CD82: variants seen among roughly 807,000 people sequenced by gnomAD.
CD82 encodes the protein CD82 antigen.
CD82 carries 36 observed loss-of-function variants against 37.4 expected under a neutral mutation model. The observed-to-expected ratio is 0.96, with a 90% confidence interval of 0.74 to 1.27. The LOEUF is 1.27. CD82 is among the 50% of genes most tolerant of loss of function. The pLI, the probability that CD82 is intolerant of heterozygous loss-of-function variation, is 0.00. For synonymous variants in CD82, 158 were observed against 137.4 expected, an observed-to-expected ratio of 1.15 and a Z score of -1.05; for missense variants, 340 against 347.0, an observed-to-expected ratio of 0.98 and a Z score of 0.16.
intron 2 of CD82, among the ~76,000 whole-genome samples, chr11:44,588,265 C>T (rs1853089457): frequency 6.6e-6 from 1 of 151,422 alleles, no homozygotes; most frequent in Non-Finnish European, 1.5e-5. Flanking sequence ...ACTCTGTCAC[C>T]CAGGCTGGAG....
Position 44,600,171 on chromosome 11 carries a change from T to G in CD82, c.77T>G (p.Val26Gly). The G allele has an allele frequency of 6.2e-7, 1 of 1,614,098 alleles. No homozygotes were observed. The highest frequency in any genetic ancestry group is 1.1e-5 in the South Asian group (1 of 91,078). The part of the protein sequence containing the change: ...FNLIFFILGA[V>G]ILGFGVWILA... Reference sequence around the variant, plus strand: ...TTCTCCTTCCAGATCCTGGGCGCAGTGATCCTGGGCTTCGGGGTGTGGATC... The same window carrying G: ...TTCTCCTTCCAGATCCTGGGCGCAGGGATCCTGGGCTTCGGGGTGTGGATC... Residue 26 changes from valine (V) to glycine (G), a missense_variant, in exon 4 of 10, where the codon GTG becomes GGG. Coordinates refer to ENST00000227155, the MANE Select transcript of CD82 (RefSeq NM_002231.4).
At chr11:44,588,514 A>T (rs76786027) in intron 2 of CD82, among the ~76,000 whole-genome samples, 18,197 of 152,086 alleles carry the variant, frequency 0.12, 1,185 homozygotes, top group South Asian at 0.21. Context: ...GAGCCACCGT[A>T]CCCAGCCTGC....
In CD82 at chr11:44,597,286, T is replaced by TA. The variant is rs1853242893; in HGVS notation, c.63+2562dup. 6.6e-6 allele frequency among the ~76,000 whole-genome samples: 1 copy of TA among 152,224 alleles called. No homozygotes were observed. The highest frequency in any genetic ancestry group is 2.1e-4 in the South Asian group (1 of 4,834). The stretch of plus-strand genomic sequence containing the variant: ...AATGCAGAGGCACTGGTGCTGTGGC[T>TA]ATGCTGGGGAAGGACGCTCACTGCT... On this transcript the variant is annotated intron_variant, in intron 3 of 9. Coordinates refer to ENST00000227155, the MANE Select transcript of CD82 (RefSeq NM_002231.4). This position sits in a 1 kb window ranked among gnomAD's most constrained non-coding sequence, Gnocchi z 4.1.
chr11:44,605,063 T>A lies in CD82; in HGVS notation c.142T>A (p.Ser48Thr). 2 of 1,614,148 alleles carry A rather than the reference T, an allele frequency of 1.2e-6. No homozygotes were observed. The highest frequency in any genetic ancestry group is 2.2e-5 in the East Asian group (1 of 44,868). Residue 48 changes from serine to threonine, a missense_variant, in exon 5 of 10, where the codon TCC (serine) becomes ACC (threonine). Ser to Thr is a moderately conservative substitution (Grantham distance 58). Coordinates refer to ENST00000227155, the MANE Select transcript of CD82 (RefSeq NM_002231.4). ...GTACTTCTTCTTCCCCCTAGAAACC[T>A]CCTCCAGCTCGCTTAGGATGGGGGC... is the stretch of plus-strand genomic sequence containing the variant. ...KSSFISVLQT[S>T]SSSLRMGAYV...
At chr11:44,568,069 C>A (rs967757468) in intron 1 of CD82, among the ~76,000 whole-genome samples, 6 of 152,188 alleles carry the variant, frequency 3.9e-5, no homozygotes, top group Admixed American at 6.5e-5. Flanking sequence ...AACTTTGGAT[C>A]TGATTTGCAG....
At chr11:44,611,740 G>A (rs1056935339) in intron 6 of CD82, among the ~76,000 whole-genome samples, 1 of 152,192 alleles carries the variant, frequency 6.6e-6, no homozygotes, top group Non-Finnish European at 1.5e-5. Flanking sequence ...CAGGCCTCCT[G>A]AGCATCAGCT....
At chr11:44,565,550 G>T (rs1413692494), upstream of CD82, 7 of 152,112 alleles carry the variant, frequency 4.6e-5, no homozygotes, top group Non-Finnish European at 8.8e-5. Context: ...CAAAGGGCTC[G>T]GGGGCGGGGC....
chr11:44,589,351 G>A (rs1397375425), intron 2 of CD82, among the ~76,000 whole-genome samples: 2 of 152,224 alleles, frequency 1.3e-5, no homozygotes, highest in Non-Finnish European at 2.9e-5. Context: ...CCATTAAGAT[G>A]TGCTTGCATC....
chr11:44,586,819 C>T (rs1215526315), intron 1 of CD82, among the ~76,000 whole-genome samples: 1 of 152,252 alleles, frequency 6.6e-6, no homozygotes, highest in Admixed American at 6.5e-5. Flanking sequence ...CCTTTTCTCT[C>T]CTGCTTCCTA....
chr11:44,580,620 GGA>G (rs1460059293), intron 1 of CD82, among the ~76,000 whole-genome samples: 5 of 152,168 alleles, frequency 3.3e-5, no homozygotes, highest in Non-Finnish European at 5.9e-5. Context: ...GGCTGAGGCA[GGA>G]GAGTCTCTTG....
At chr11:44,590,055 G>C (rs374858187) in intron 2 of CD82, among the ~76,000 whole-genome samples, 1 of 151,114 alleles carries the variant, frequency 6.6e-6, no homozygotes, top group Admixed American at 6.6e-5. Flanking sequence ...GGATGGTCTC[G>C]ATCTCCTCAC....
At chr11:44,585,726 G>T (rs950622622) in intron 1 of CD82, among the ~76,000 whole-genome samples, 19 of 152,218 alleles carry the variant, frequency 1.2e-4, no homozygotes, top group Non-Finnish European at 2.1e-4. Flanking sequence ...GGGAGCCCCA[G>T]TGTGCAGGGA....
intron 2 of CD82, among the ~76,000 whole-genome samples, chr11:44,593,884 C>G (rs1853180728): frequency 6.6e-6 from 1 of 151,968 alleles, no homozygotes; most frequent in East Asian, 1.9e-4. Flanking sequence ...ACATGTGAAA[C>G]TATGAAGAGC....
intron 6 of CD82, among the ~76,000 whole-genome samples, chr11:44,613,920 C>T (rs773549460): frequency 2.6e-5 from 4 of 152,052 alleles, no homozygotes; most frequent in Admixed American, 6.5e-5. Flanking sequence ...ACCTCACACT[C>T]CGGCTGGCTG....
chr11:44,615,214 C>T (rs1220999575), intron 6 of CD82, 58 bp from the exon 7 acceptor site: 3 of 1,160,236 alleles, frequency 2.6e-6, no homozygotes, highest in Non-Finnish European at 3.9e-6. Context: ...TAGGGGTGAC[C>T]ACAGGTGGGC....
At chr11:44,604,955 A>G (rs1590344617) in intron 4 of CD82, 103 bp from the exon 5 acceptor site, 1 of 1,550,002 alleles carries the variant, frequency 6.5e-7, no homozygotes, top group East Asian at 2.2e-5. Context: ...GCTGACCCCA[A>G]CACCCTGGCT....
At position 44,590,610 on chromosome 11, in the gene CD82, CAAAAAA is replaced by C. The variant is rs56665683; in HGVS notation, c.-21+3069_-21+3074del. 2.1e-4 allele frequency among the ~76,000 whole-genome samples: 7 copies of C among 33,458 alleles called. 2 individuals carry two copies. The East Asian group carries it at 9.8e-3, about 47-fold the overall frequency. The allele number at this position is 33,458 out of a possible 152,430, so 21.9% of individuals were successfully genotyped here. ...TGGGCAACAGAGGGAGATTCTGTCT[CAAAAAA>C]AAAAAAAAAAAAAAGATGAAATCTG... On this transcript the variant is annotated intron_variant, in intron 2 of 9. Coordinates refer to ENST00000227155, the MANE Select transcript of CD82 (RefSeq NM_002231.4).
chr11:44,577,349 T>C (rs918779107), intron 1 of CD82, among the ~76,000 whole-genome samples: 3 of 151,994 alleles, frequency 2.0e-5, no homozygotes, highest in Non-Finnish European at 2.9e-5. Context: ...TCCTCCTGTC[T>C]TCCTCATTCT....
At chr11:44,591,555 T>C (rs1256907851) in intron 2 of CD82, among the ~76,000 whole-genome samples, 1 of 152,142 alleles carries the variant, frequency 6.6e-6, no homozygotes, top group Non-Finnish European at 1.5e-5. Context: ...TCCCCAAAGA[T>C]CCCTTTATAA....
Sources: allele counts gnomAD v4.1 joint callset (sites outside exome capture counted in the v4.1 genomes callset), GRCh38; gene constraint gnomAD v4.1.1; non-coding constraint Gnocchi (gnomAD v3.1); transcripts MANE v1.5; gene names NCBI Gene and HGNC (gene_info 2026-07-23, HGNC 2026-07-21).